Variants in GATAD2A observed in about 807,000 individuals in gnomAD.
The protein encoded by GATAD2A is transcriptional repressor p66-alpha.
Under a neutral mutation model 68.5 loss-of-function variants are expected in GATAD2A, and 12 were observed. The ratio of observed to expected loss-of-function variants is 0.18; its 90% confidence interval spans 0.11 to 0.28. The LOEUF (loss-of-function observed/expected upper bound fraction) is 0.28, where lower values mean the gene tolerates loss of function less well. Among genes scored for constraint, GATAD2A ranks in the 10% least tolerant of loss-of-function variants. GATAD2A has a pLI of 1.00. For synonymous variants in GATAD2A, 410 were observed against 375.3 expected, an observed-to-expected ratio of 1.09 and a Z score of -1.07; for missense variants, 755 against 868.5, an observed-to-expected ratio of 0.87 and a Z score of 1.64.
intron 1 of GATAD2A, among the ~76,000 whole-genome samples, chr19:19,448,352 C>T (rs751701082): frequency 3.9e-5 from 6 of 152,246 alleles, no homozygotes; most frequent in African/African-American, 1.2e-4. Flanking sequence ...TGGCCAACAG[C>T]GGCGCAGGTG....
chr19:19,429,853 C>G (rs1266586150), intron 1 of GATAD2A, among the ~76,000 whole-genome samples: 2 of 152,066 alleles, frequency 1.3e-5, no homozygotes, highest in East Asian at 3.9e-4. Context: ...CTCCGCATCT[C>G]TAGTCTGCCA....
intron 1 of GATAD2A, among the ~76,000 whole-genome samples, chr19:19,449,109 C>A (rs2056084224): frequency 1.3e-5 from 2 of 152,116 alleles, no homozygotes; most frequent in African/African-American, 4.8e-5. Flanking sequence ...GTTTTTTTCC[C>A]CCAGATGACA....
In GATAD2A at chr19:19,498,720, A is replaced by C. The variant is rs200919274; in HGVS notation, c.1202A>C (p.Gln401Pro). The change falls in exon 8 of 12, where the codon CAA (glutamine) becomes CCA (proline). Residue 401 changes from glutamine (Q) to proline (P), a missense_variant and splice_region_variant. Coordinates refer to ENST00000683918, the MANE Select transcript of GATAD2A (RefSeq NM_001384528.1). ...EEVVQNLLET[Q>P]AGRMSAATVL... Reference sequence around the variant, plus strand: ...GTGGTGCAGAACCTACTGGAGACACAAGGTGAGTGGCCTGGACCCAGCCGG... The same window carrying C: ...GTGGTGCAGAACCTACTGGAGACACCAGGTGAGTGGCCTGGACCCAGCCGG... 251 of 1,605,704 alleles carry C rather than the reference A, an allele frequency of 1.6e-4. No homozygotes were observed. The highest frequency in any genetic ancestry group is 2.3e-4 in the Admixed American group (14 of 59,748).
At position 19,498,470 on chromosome 19, in the gene GATAD2A, A is replaced by G. The variant is rs1166415650; in HGVS notation, c.952A>G (p.Thr318Ala). 7.5e-6 allele frequency: 12 copies of G among 1,609,278 alleles called. No individual in the cohort carries two copies. The highest frequency in any genetic ancestry group is 1.0e-5 in the Non-Finnish European group (12 of 1,175,950). The stretch of plus-strand genomic sequence containing the variant: ...CACCCCAGCATCACTGAAGGGGACA[A>G]CAGCCACCTCCGCTCAGGCCAACTC... Reference protein sequence around the residue: ...QPTPASLKGTTATSAQANSTP... With the variant: ...QPTPASLKGTAATSAQANSTP... Residue 318 changes from threonine (T) to alanine (A), a missense_variant, in exon 8 of 12, where the codon ACA (threonine) becomes GCA (alanine). By Grantham distance (58) the Thr-to-Ala change is moderately conservative. Transcript: ENST00000683918.
Position 19,412,562 on chromosome 19 carries a change from G to T in GATAD2A, c.-7+6543G>T, listed in dbSNP as rs569412239. On this transcript the variant is annotated intron_variant, in intron 1 of 11. Transcript: ENST00000683918. The stretch of plus-strand genomic sequence containing the variant: ...TGGGAGGATCGGTTGAGCCTGGGAG[G>T]TTGAAGCTGCAGTGAGAGGAGATCA... Among the ~76,000 whole-genome samples the T allele has an allele frequency of 5.9e-5, 9 of 152,092 alleles. No individual in the cohort carries two copies. In the East Asian group the frequency reaches 1.8e-3, roughly 30 times the overall value.
chr19:19,492,009 A>G (rs1182153763), intron 2 of GATAD2A, among the ~76,000 whole-genome samples: 1 of 152,222 alleles, frequency 6.6e-6, no homozygotes, highest in Non-Finnish European at 1.5e-5. Context: ...CATGTTTTCC[A>G]AAGTCACCAT....
At chr19:19,392,810 C>T (rs1036253852) in intron 1 of GATAD2A, among the ~76,000 whole-genome samples, 1 of 151,684 alleles carries the variant, frequency 6.6e-6, no homozygotes, top group Non-Finnish European at 1.5e-5. Context: ...CATTCTTCTG[C>T]CTCAGCCTCC....
intron 1 of GATAD2A, among the ~76,000 whole-genome samples, chr19:19,398,496 C>T (rs912990527): frequency 1.1e-4 from 16 of 151,892 alleles, no homozygotes; most frequent in African/African-American, 2.7e-4. Flanking sequence ...CCACCATGCC[C>T]GGCCAGCTAA....
At chr19:19,478,314 A>G (rs1213878405) in intron 2 of GATAD2A, among the ~76,000 whole-genome samples, 1 of 152,148 alleles carries the variant, frequency 6.6e-6, no homozygotes, top group Non-Finnish European at 1.5e-5. Flanking sequence ...AAATTTGAAA[A>G]TACTGGCCAG....
In GATAD2A at chr19:19,508,136, T is replaced by A. The variant is rs2060945720; in HGVS notation, c.*2662T>A. On this transcript the variant is annotated 3_prime_UTR_variant, in exon 12 of 12. Transcript: ENST00000683918. The stretch of plus-strand genomic sequence containing the variant: ...CCAACTGATTGTAACTGTCCCCTGT[T>A]ACCTGTGACATGAACCTCCAACAGC... 6.6e-6 allele frequency: 1 copy of A among 152,262 alleles called. No homozygotes were observed. The highest frequency in any genetic ancestry group is 2.4e-5 in the African/African-American group (1 of 41,446). The allele number at this position is 152,262 out of a possible 1,614,324, so 9.4% of individuals were successfully genotyped here.
Position 19,484,532 on chromosome 19 carries a change from C to CTT in GATAD2A, c.270-7757_270-7756dup, listed in dbSNP as rs897099165. Among the ~76,000 whole-genome samples the CTT allele has an allele frequency of 3.4e-3, 299 of 86,990 alleles. 4 individuals carry two copies. Among genetic ancestry groups the CTT allele is most frequent in the Non-Finnish European group, 4.9e-3 (222 of 45,386 alleles). 57.1% of individuals were successfully genotyped at this position (86,990 alleles called of 152,430 possible). On this transcript the variant is annotated intron_variant, in intron 2 of 11. Transcript: ENST00000683918. ...TTTTTCTTTTTCTTTTTTTTTTTTTCTTTTTTTTTTTTTTTTTTGAGACGG... is the reference window on the plus strand; with the variant it reads ...TTTTTCTTTTTCTTTTTTTTTTTTTCTTTTTTTTTTTTTTTTTTTTGAGACGG...
intron 2 of GATAD2A, among the ~76,000 whole-genome samples, chr19:19,471,466 G>A (rs969593949): frequency 1.3e-4 from 18 of 143,982 alleles, no homozygotes; most frequent in Non-Finnish European, 9.2e-5. Context: ...CCCCCAAAAA[G>A]CAAATTTATT....
Position 19,499,038 on chromosome 19 carries a change from G to A in GATAD2A, c.1204+316G>A, listed in dbSNP as rs528385105. On this transcript the variant is annotated intron_variant, in intron 8 of 11. Coordinates refer to ENST00000683918, the MANE Select transcript of GATAD2A (RefSeq NM_001384528.1). Reference sequence around the variant, plus strand: ...GGAGGCTGACAGGGTTGGCCTCCACGAAGGGCTCTCAGGCCAATGTGGAGT... The same window carrying A: ...GGAGGCTGACAGGGTTGGCCTCCACAAAGGGCTCTCAGGCCAATGTGGAGT... Among the ~76,000 whole-genome samples, 9 of 152,328 alleles carry A rather than the reference G, an allele frequency of 5.9e-5. No homozygotes were observed. In the East Asian group the frequency reaches 1.4e-3, roughly 23 times the overall value.
chr19:19,460,189 G>C (rs560989468), intron 1 of GATAD2A, among the ~76,000 whole-genome samples: 2 of 152,348 alleles, frequency 1.3e-5, no homozygotes, highest in African/African-American at 4.8e-5. Context: ...GCCACTGAAG[G>C]GGGTACAGAT....
At chr19:19,483,886 C>CCAAA (rs1403700619) in intron 2 of GATAD2A, among the ~76,000 whole-genome samples, 1 of 151,688 alleles carries the variant, frequency 6.6e-6, no homozygotes, top group Non-Finnish European at 1.5e-5. Context: ...CCTCGGCCTC[C>CCAAA]CAAAGTGCTG....
At chr19:19,413,720 G>A (rs897050275) in intron 1 of GATAD2A, among the ~76,000 whole-genome samples, 12 of 152,066 alleles carry the variant, frequency 7.9e-5, no homozygotes, top group African/African-American at 2.9e-4. Flanking sequence ...GAGTAGTTAG[G>A]ATTACAGACA....
At chr19:19,412,063 C>T (rs2147125500) in intron 1 of GATAD2A, among the ~76,000 whole-genome samples, 1 of 150,856 alleles carries the variant, frequency 6.6e-6, no homozygotes, top group South Asian at 2.1e-4. Flanking sequence ...ATGTAGCAAT[C>T]CCCCATCTCT....
chr19:19,471,242 A>T (rs2058284943), intron 2 of GATAD2A, among the ~76,000 whole-genome samples: 1 of 140,822 alleles, frequency 7.1e-6, no homozygotes, highest in Admixed American at 7.2e-5. Context: ...GTGACAGAAC[A>T]AGACTGTCTC....
At chr19:19,460,784 C>T (rs193000963) in intron 1 of GATAD2A, among the ~76,000 whole-genome samples, 11 of 152,294 alleles carry the variant, frequency 7.2e-5, no homozygotes, top group Middle Eastern at 3.4e-3. Context: ...CCATAGGAAC[C>T]GCTCCCCTGC....
Sources: gnomAD v4.1 joint callset for allele counts (sites outside exome capture counted in the v4.1 genomes callset) on GRCh38, gnomAD v4.1.1 for gene constraint, MANE v1.5 for transcripts, NCBI Gene and HGNC (gene_info 2026-07-23, HGNC 2026-07-21) for gene names.